Variants in PPAT observed in about 807,000 individuals in gnomAD.
PPAT encodes the protein amidophosphoribosyltransferase.
In PPAT, 20 loss-of-function variants were observed where a neutral mutation model predicts 60.2. The ratio of observed to expected loss-of-function variants is 0.33; its 90% CI spans 0.23 to 0.48. The LOEUF is 0.48. Among genes scored for constraint, PPAT ranks in the 20% least tolerant of loss-of-function variants. The pLI is 0.99. For missense variants in PPAT, 349 were observed against 629.6 expected, an observed-to-expected ratio of 0.55 and a Z score of 4.77; for synonymous variants, 194 against 215.1, an observed-to-expected ratio of 0.90 and a Z score of 0.86.
chr4:56,410,960 A>G (rs939449678), intron 1 of PPAT: 75 of 963,150 alleles, frequency 7.8e-5, no homozygotes, highest in Non-Finnish European at 8.7e-5. Context: ...TTTGTTTTAC[A>G]GTTTTATGAA....
At chr4:56,434,028 A>G (rs886126652) in intron 1 of PPAT, among the ~76,000 whole-genome samples, 2 of 152,198 alleles carry the variant, frequency 1.3e-5, no homozygotes, top group Non-Finnish European at 2.9e-5. Context: ...GTTGCTCACA[A>G]CTACCACATA....
chr4:56,435,524 G>T lies in PPAT; in HGVS notation c.-47C>A. 7 of 1,611,980 alleles carry T rather than the reference G, an allele frequency of 4.3e-6. No individual in the cohort carries two copies. Among genetic ancestry groups the T allele is most frequent in the Non-Finnish European group, 5.9e-6 (7 of 1,179,756 alleles). Reference sequence around the variant, plus strand: ...AAGGACCTGCCGCTGCGGCCAAGGTGTAAGCACCAACCAGCTGCCAGCTCG... The same window carrying T: ...AAGGACCTGCCGCTGCGGCCAAGGTTTAAGCACCAACCAGCTGCCAGCTCG... On this transcript the variant is annotated 5_prime_UTR_variant, in exon 1 of 11. Transcript: ENST00000264220.
chr4:56,402,942 C>A, intron 5 of PPAT, 98 bp downstream of exon 5: 1 of 1,116,004 alleles, frequency 9.0e-7, no homozygotes, highest in Non-Finnish European at 1.2e-6. Context: ...CTCCCTCCCA[C>A]CCATCAACTT....
At chr4:56,414,732 T>C (rs1716633036) in intron 1 of PPAT, among the ~76,000 whole-genome samples, 1 of 152,186 alleles carries the variant, frequency 6.6e-6, no homozygotes, top group Non-Finnish European at 1.5e-5. Flanking sequence ...AACCAGGTAA[T>C]AGAATAGAAA....
chr4:56,409,586 T>C (rs1162484494), intron 1 of PPAT, among the ~76,000 whole-genome samples: 5 of 152,190 alleles, frequency 3.3e-5, no homozygotes, highest in African/African-American at 1.2e-4. Context: ...AAATCTAGAC[T>C]GAAGGTAGGG....
chr4:56,416,105 A>G (rs1716726935), intron 1 of PPAT, among the ~76,000 whole-genome samples: 1 of 152,118 alleles, frequency 6.6e-6, no homozygotes, highest in Admixed American at 6.6e-5. Flanking sequence ...TTGAAAACTA[A>G]CTACAACCAT....
intron 1 of PPAT, among the ~76,000 whole-genome samples, chr4:56,411,760 A>G (rs988573278): frequency 3.9e-4 from 59 of 152,250 alleles, no homozygotes; most frequent in African/African-American, 1.4e-3. Context: ...ACAGAACTGC[A>G]AATAAATTTA....
chr4:56,434,440 C>T lies in PPAT; in HGVS notation c.128+910G>A, dbSNP rs371414302. Among the ~76,000 whole-genome samples, 44 of 152,274 alleles carry T rather than the reference C, an allele frequency of 2.9e-4. No homozygotes were observed. The East Asian group carries it at 7.1e-3, about 25-fold the overall frequency. ...TAATACTTTCAGTAAGAATATCAAACCCAGGTTTGTTTTTCTTATCCTAGT... is the reference window on the plus strand; with the variant it reads ...TAATACTTTCAGTAAGAATATCAAATCCAGGTTTGTTTTTCTTATCCTAGT... On this transcript the variant is annotated intron_variant, in intron 1 of 10. Coordinates refer to ENST00000264220, the MANE Select transcript of PPAT (RefSeq NM_002703.5).
intron 1 of PPAT, among the ~76,000 whole-genome samples, chr4:56,430,615 G>C (rs1053306823): frequency 3.3e-5 from 5 of 151,986 alleles, no homozygotes; most frequent in African/African-American, 4.8e-5. Flanking sequence ...TTTATCTCAA[G>C]TGAACTGAAA....
chr4:56,407,692 C>T lies in PPAT; in HGVS notation c.153G>A (p.Val51=). Residue 51 remains valine (V), a synonymous_variant, in exon 2 of 11, where the codon GTG becomes GTA. Coordinates refer to ENST00000264220, the MANE Select transcript of PPAT (RefSeq NM_002703.5). ...QHRGQESAGI[V]TSDGSSVPTF... ...TTGGCACCGAACTCCCATCACTAGTCACAATACCAGCACTCTCCTGACCCC... is the reference window on the plus strand; with the variant it reads ...TTGGCACCGAACTCCCATCACTAGTTACAATACCAGCACTCTCCTGACCCC... The T allele has an allele frequency of 1.2e-6, 2 of 1,605,934 alleles. No homozygotes were observed. The highest frequency in any genetic ancestry group is 1.7e-6 in the Non-Finnish European group (2 of 1,172,366).
chr4:56,415,181 A>G (rs1716663828), intron 1 of PPAT, among the ~76,000 whole-genome samples: 1 of 152,182 alleles, frequency 6.6e-6, no homozygotes, highest in African/African-American at 2.4e-5. Context: ...ATTAATGTAA[A>G]ATACAATGCT....
chr4:56,398,545 G>T (rs1397436203), intron 9 of PPAT, among the ~76,000 whole-genome samples: 1 of 151,656 alleles, frequency 6.6e-6, no homozygotes, highest in African/African-American at 2.4e-5. Flanking sequence ...TACCTCCTGG[G>T]CTCAAGCCAT....
At chr4:56,399,643 C>A (rs1332446245) in intron 8 of PPAT, 15 of 357,208 alleles carry the variant, frequency 4.2e-5, no homozygotes, top group Non-Finnish European at 6.5e-5. Flanking sequence ...TGAAAGATAA[C>A]AGTAAGCATA....
At chr4:56,407,467 C>T (rs753105159) in intron 2 of PPAT, among the ~76,000 whole-genome samples, 183 bp downstream of exon 2, 3 of 152,106 alleles carry the variant, frequency 2.0e-5, no homozygotes, top group Middle Eastern at 3.4e-3. Context: ...TACAGGCATG[C>T]GCCACCACGC....
chr4:56,427,468 T>G (rs2110065420), intron 1 of PPAT, among the ~76,000 whole-genome samples: 1 of 152,292 alleles, frequency 6.6e-6, no homozygotes, highest in East Asian at 1.9e-4. Flanking sequence ...TATCACCATC[T>G]TTTAAAAATT....
chr4:56,396,883 GTT>G lies in PPAT; in HGVS notation c.1237-146_1237-145del. ...ATTCTTTCTACAAAGCTGCTTCTTG[GTT>G]TTTTTTTTCTTTCACCTAATCATGA... On this transcript the variant is annotated intron_variant, in intron 9 of 10. Coordinates refer to ENST00000264220, the MANE Select transcript of PPAT (RefSeq NM_002703.5). The surrounding 1 kb of genome is among the most constrained non-coding windows in gnomAD (Gnocchi z 4.6). 1 of 700,122 alleles carries G rather than the reference GTT, an allele frequency of 1.4e-6. No homozygotes were observed. Among genetic ancestry groups the G allele is most frequent in the Non-Finnish European group, 2.1e-6 (1 of 487,442 alleles). 43.4% of individuals were successfully genotyped at this position (700,122 alleles called of 1,614,324 possible). A position where few individuals can be genotyped will look rare whatever the true frequency, so the allele number is the denominator to read the frequency against.
Position 56,435,433 on chromosome 4 carries a change from G to A in PPAT, c.45C>T (p.Phe15=), listed in dbSNP as rs774868196. 3.7e-6 allele frequency: 6 copies of A among 1,613,830 alleles called. No individual in the cohort carries two copies. In the East Asian group the frequency reaches 6.7e-5, roughly 18 times the overall value. The part of the protein sequence containing the change: ...ELGIREECGV[F]GCIASGEWPT... ...GCCACTCTCCTGAGGCGATGCACCC[G>A]AACACGCCACATTCCTCTCGGATCC... The change falls in exon 1 of 11, where the codon TTC becomes TTT. Residue 15 remains phenylalanine, a synonymous_variant. Transcript: ENST00000264220.
intron 1 of PPAT, 24 bp from the exon 2 acceptor site, chr4:56,407,740 C>T (rs1161258547): frequency 1.3e-6 from 2 of 1,539,380 alleles, no homozygotes; most frequent in East Asian, 2.2e-5. Context: ...AAGATATTAG[C>T]TGTTAAATCT....
chr4:56,409,567 A>G (rs1716354805), intron 1 of PPAT, among the ~76,000 whole-genome samples: 1 of 152,244 alleles, frequency 6.6e-6, no homozygotes. Flanking sequence ...GATACAGAGA[A>G]AAAAGCCAAA....
Sources: gnomAD v4.1 joint callset for allele counts (sites outside exome capture counted in the v4.1 genomes callset) on GRCh38, gnomAD v4.1.1 for gene constraint, Gnocchi (gnomAD v3.1) non-coding constraint, MANE v1.5 for transcripts, NCBI Gene and HGNC (gene_info 2026-07-23, HGNC 2026-07-21) for gene names.